Variants in LRRC20 observed in about 807,000 individuals in gnomAD.
LRRC20 encodes leucine-rich repeat-containing protein 20.
LRRC20 carries 11 observed loss-of-function variants against 14.4 expected under a neutral mutation model. The ratio of observed to expected loss-of-function variants is 0.77; its 90% confidence interval spans 0.48 to 1.27. LRRC20 has a LOEUF of 1.27. LRRC20 is among the 50% of genes most tolerant of loss of function. The pLI, the probability that LRRC20 is intolerant of heterozygous loss-of-function variation, is 0.00. For synonymous variants in LRRC20, 121 were observed against 107.3 expected, an observed-to-expected ratio of 1.13 and a Z score of -0.79; for missense variants, 219 against 251.2, an observed-to-expected ratio of 0.87 and a Z score of 0.87.
intron 3 of LRRC20, among the ~76,000 whole-genome samples, chr10:70,335,941 G>A (rs565676082): frequency 5.3e-4 from 81 of 152,192 alleles, no homozygotes; most frequent in African/African-American, 1.8e-3. Context: ...TCCAACACCT[G>A]GACACCCACA....
rs1008300769 is a variant in LRRC20, at chr10:70,300,212, G to A, written c.*1142C>T. On this transcript the variant is annotated 3_prime_UTR_variant, in exon 5 of 5. Coordinates refer to ENST00000446961, the MANE Select transcript of LRRC20 (RefSeq NM_001278212.2). ...AGTCAAGGTTCTTCAAGCCACAGGCGTTCTCGGGAAGCAAGAGCCCCAGGC... is the reference window on the plus strand; with the variant it reads ...AGTCAAGGTTCTTCAAGCCACAGGCATTCTCGGGAAGCAAGAGCCCCAGGC... 1.2e-4 allele frequency: 34 copies of A among 278,522 alleles called. No individual in the cohort carries two copies. The highest frequency in any genetic ancestry group is 2.7e-4 in the South Asian group (2 of 7,358). 17.3% of individuals were successfully genotyped at this position (278,522 alleles called of 1,614,324 possible).
chr10:70,329,735 T>G (rs1390800154), intron 3 of LRRC20, among the ~76,000 whole-genome samples: 1 of 152,072 alleles, frequency 6.6e-6, no homozygotes, highest in Non-Finnish European at 1.5e-5. Context: ...CAGCTAATTT[T>G]TTGTATTTTA....
chr10:70,324,803 G>A (rs1445646499), intron 3 of LRRC20, among the ~76,000 whole-genome samples: 1 of 152,196 alleles, frequency 6.6e-6, no homozygotes, highest in Non-Finnish European at 1.5e-5. Context: ...GCCCAGGGCT[G>A]ATGGGAGGAG....
intron 4 of LRRC20, among the ~76,000 whole-genome samples, chr10:70,302,921 A>G (rs1220709240): frequency 7.9e-5 from 12 of 152,054 alleles, no homozygotes; most frequent in Non-Finnish European, 1.8e-4. Flanking sequence ...CGTGTTAGCC[A>G]GGATGGTCTC....
Position 70,363,127 on chromosome 10 carries a change from A to C in LRRC20, c.82+13325T>G, listed in dbSNP as rs1270397932. Among the ~76,000 whole-genome samples, 4 of 149,492 alleles carry C rather than the reference A, an allele frequency of 2.7e-5. No individual in the cohort carries two copies. In the South Asian group the frequency reaches 8.5e-4, roughly 32 times the overall value. On this transcript the variant is annotated intron_variant, in intron 2 of 4. Transcript: ENST00000446961. ...TCTATTAAAAAAAAAAAAAATTTTA[A>C]ATTAGCCAGGCATGGTGATGTGTGC...
intron 4 of LRRC20, among the ~76,000 whole-genome samples, chr10:70,322,918 C>T (rs543652829): frequency 1.3e-5 from 2 of 151,788 alleles, no homozygotes; most frequent in South Asian, 4.2e-4. Flanking sequence ...CCACAGGAGG[C>T]AGGCCATTCC....
chr10:70,364,621 G>A (rs1843897949), intron 2 of LRRC20, among the ~76,000 whole-genome samples: 2 of 152,228 alleles, frequency 1.3e-5, no homozygotes, highest in African/African-American at 4.8e-5. Context: ...AGCTCACCCA[G>A]CAACAGCCTG....
At chr10:70,337,209 G>C (rs553089912) in intron 3 of LRRC20, among the ~76,000 whole-genome samples, 1 of 152,288 alleles carries the variant, frequency 6.6e-6, no homozygotes, top group East Asian at 1.9e-4. Context: ...GACAGAGCAG[G>C]CCTGCTGAGC....
intron 2 of LRRC20, among the ~76,000 whole-genome samples, chr10:70,358,929 C>T (rs887092968): frequency 6.6e-6 from 1 of 152,170 alleles, no homozygotes; most frequent in Admixed American, 6.5e-5. Flanking sequence ...ATAGTTACAC[C>T]CCTCACCATC....
intron 2 of LRRC20, among the ~76,000 whole-genome samples, chr10:70,355,645 A>G (rs918903989): frequency 6.6e-6 from 1 of 152,120 alleles, no homozygotes; most frequent in African/African-American, 2.4e-5. Context: ...GGACTTGTAT[A>G]TTGTGCAAGA....
At chr10:70,309,265 G>A (rs1009888871) in intron 4 of LRRC20, among the ~76,000 whole-genome samples, 3 of 152,204 alleles carry the variant, frequency 2.0e-5, no homozygotes, top group Non-Finnish European at 4.4e-5. Flanking sequence ...GTCTAAATGG[G>A]CCCAGCAAAG....
intron 2 of LRRC20, among the ~76,000 whole-genome samples, chr10:70,350,612 A>G (rs1179140457): frequency 6.6e-6 from 1 of 152,234 alleles, no homozygotes; most frequent in Admixed American, 6.5e-5. Context: ...GACCCCTGCC[A>G]GCCCCTGCTG....
In LRRC20 at chr10:70,299,047, TC is replaced by T. The variant is rs890000919; in HGVS notation, c.*2306del. The T allele has an allele frequency of 1.3e-5, 2 of 152,578 alleles. No individual in the cohort carries two copies. Among genetic ancestry groups the T allele is most frequent in the Non-Finnish European group, 2.9e-5 (2 of 68,048 alleles). The allele number at this position is 152,578 out of a possible 1,614,324, so 9.5% of individuals were successfully genotyped here. On this transcript the variant is annotated 3_prime_UTR_variant, in exon 5 of 5. Coordinates refer to ENST00000446961, the MANE Select transcript of LRRC20 (RefSeq NM_001278212.2). ...CACTGTGAGCTCTGATTTGGGGGCA[TC>T]TGTGGCTGCCCACACTTTCCAAGAC...
intron 2 of LRRC20, among the ~76,000 whole-genome samples, chr10:70,362,736 GT>G (rs34374557): frequency 0.55 from 83,035 of 152,138 alleles, 23,774 homozygotes; most frequent in Non-Finnish European, 0.63. Flanking sequence ...AAGGGGGGCA[GT>G]TTTGCCCCCA....
intron 4 of LRRC20, among the ~76,000 whole-genome samples, chr10:70,319,546 A>G (rs1302655579): frequency 6.6e-6 from 1 of 152,062 alleles, no homozygotes; most frequent in Non-Finnish European, 1.5e-5. Context: ...TCCTCTCTCT[A>G]GCTCTCCATG....
intron 4 of LRRC20, among the ~76,000 whole-genome samples, chr10:70,310,515 C>A (rs983043097): frequency 6.6e-6 from 1 of 152,250 alleles, no homozygotes; most frequent in Non-Finnish European, 1.5e-5. Context: ...CCCCTCCAAA[C>A]TCTCTGAACA....
At position 70,301,270 on chromosome 10, in the gene LRRC20, T is replaced by A; in HGVS notation, c.*84A>T. On this transcript the variant is annotated 3_prime_UTR_variant, in exon 5 of 5. Coordinates refer to ENST00000446961, the MANE Select transcript of LRRC20 (RefSeq NM_001278212.2). ...GCCCACCCGCCCCCAGCCCCCAGGCTTGGCCTCCCATGGGCCTCCCTCCCT... is the reference window on the plus strand; with the variant it reads ...GCCCACCCGCCCCCAGCCCCCAGGCATGGCCTCCCATGGGCCTCCCTCCCT... 7 of 1,486,048 alleles carry A rather than the reference T, an allele frequency of 4.7e-6. No individual in the cohort carries two copies. Among genetic ancestry groups the A allele is most frequent in the Admixed American group, 4.1e-5 (2 of 49,050 alleles). 92.1% of individuals were successfully genotyped at this position (1,486,048 alleles called of 1,614,324 possible).
chr10:70,343,133 A>G (rs1293636935), intron 2 of LRRC20, among the ~76,000 whole-genome samples: 1 of 152,188 alleles, frequency 6.6e-6, no homozygotes, highest in Non-Finnish European at 1.5e-5. Context: ...CACCTTCTCC[A>G]TGAAGCTTTC....
At chr10:70,329,431 C>T (rs971208819) in intron 3 of LRRC20, among the ~76,000 whole-genome samples, 1 of 152,098 alleles carries the variant, frequency 6.6e-6, no homozygotes, top group African/African-American at 2.4e-5. Context: ...CTGATGTTAG[C>T]TGTAGGATTT....
Sources: allele counts gnomAD v4.1 joint callset (sites outside exome capture counted in the v4.1 genomes callset), GRCh38; gene constraint gnomAD v4.1.1; transcripts MANE v1.5; gene names NCBI Gene and HGNC (gene_info 2026-07-23, HGNC 2026-07-21).